Variants in CPNE4 observed in about 807,000 individuals in gnomAD.
CPNE4 encodes copine-4.
Under a neutral mutation model 67.9 loss-of-function variants are expected in CPNE4, and 25 were observed. The ratio of observed to expected loss-of-function variants is 0.37; its 90% confidence interval spans 0.27 to 0.51. The LOEUF is 0.51. Among genes scored for constraint, CPNE4 ranks in the 20% least tolerant of loss-of-function variants. CPNE4 has a pLI of 0.93. For synonymous variants in CPNE4, 242 were observed against 244.9 expected, an observed-to-expected ratio of 0.99 and a Z score of 0.11; for missense variants, 464 against 690.8, an observed-to-expected ratio of 0.67 and a Z score of 3.68.
At chr3:131,894,105 A>T (rs1248256880) in intron 2 of CPNE4, among the ~76,000 whole-genome samples, 4 of 151,934 alleles carry the variant, frequency 2.6e-5, no homozygotes, top group African/African-American at 9.7e-5. Flanking sequence ...AACAAATTTG[A>T]TAACATAGAA....
At chr3:131,564,888 T>C (rs1359497976) in intron 10 of CPNE4, among the ~76,000 whole-genome samples, 2 of 152,048 alleles carry the variant, frequency 1.3e-5, no homozygotes, top group Non-Finnish European at 1.5e-5. Context: ...CAGCTCCATG[T>C]AAGGCATTCA....
At chr3:131,914,893 T>C (rs1034418778) in intron 1 of CPNE4, among the ~76,000 whole-genome samples, 4 of 152,120 alleles carry the variant, frequency 2.6e-5, no homozygotes, top group African/African-American at 9.7e-5. Flanking sequence ...GGAGAATCGC[T>C]TGAACCCAGG....
At chr3:131,811,132 A>G (rs1035601363) in intron 2 of CPNE4, among the ~76,000 whole-genome samples, 1 of 152,126 alleles carries the variant, frequency 6.6e-6, no homozygotes, top group African/African-American at 2.4e-5. Flanking sequence ...ACAATACTGT[A>G]TTATATACTT....
intron 4 of CPNE4, 38 bp downstream of exon 4, chr3:131,699,871 C>T: frequency 2.5e-6 from 4 of 1,579,288 alleles, no homozygotes; most frequent in Non-Finnish European, 3.5e-6. Flanking sequence ...CCAGGCTCTC[C>T]ACTCAGGCAG....
intron 1 of CPNE4, among the ~76,000 whole-genome samples, chr3:131,911,516 A>G (rs1227164284): frequency 6.7e-6 from 1 of 149,892 alleles, no homozygotes; most frequent in Non-Finnish European, 1.5e-5. Context: ...TATTAATAAT[A>G]CAAACAGATT....
At chr3:131,680,074 G>T (rs947758681) in intron 6 of CPNE4, among the ~76,000 whole-genome samples, 1 of 152,082 alleles carries the variant, frequency 6.6e-6, no homozygotes. Flanking sequence ...CTCTTTGAAG[G>T]TCTCTAAAAA....
chr3:131,842,971 C>T (rs1437753983), intron 2 of CPNE4, among the ~76,000 whole-genome samples: 2 of 152,040 alleles, frequency 1.3e-5, no homozygotes, highest in Non-Finnish European at 2.9e-5. Flanking sequence ...AGTCCTGCAC[C>T]GGTGCTCTAA....
intron 2 of CPNE4, among the ~76,000 whole-genome samples, chr3:131,862,248 G>A (rs2086721190): frequency 6.6e-6 from 1 of 152,006 alleles, no homozygotes; most frequent in Admixed American, 6.6e-5. Context: ...CCTGACTCTT[G>A]AGAGTACCAC....
At chr3:131,593,475 T>C (rs1938659749) in intron 7 of CPNE4, among the ~76,000 whole-genome samples, 1 of 152,216 alleles carries the variant, frequency 6.6e-6, no homozygotes, top group Non-Finnish European at 1.5e-5. Flanking sequence ...ATTGTAAATA[T>C]ATAGAAAGGT....
At chr3:131,813,473 ATATG>A (rs1377223047) in intron 2 of CPNE4, among the ~76,000 whole-genome samples, 1 of 148,794 alleles carries the variant, frequency 6.7e-6, no homozygotes, top group African/African-American at 2.4e-5. Context: ...TATTTTATTT[ATATG>A]TATTTATTTA....
intron 2 of CPNE4, among the ~76,000 whole-genome samples, chr3:131,841,765 C>T (rs2085792143): frequency 6.6e-6 from 1 of 152,204 alleles, no homozygotes; most frequent in Non-Finnish European, 1.5e-5. Flanking sequence ...CCTGTTGCAG[C>T]TGGGAGTGCA....
intron 7 of CPNE4, among the ~76,000 whole-genome samples, chr3:131,623,452 A>T (rs1940582915): frequency 6.6e-6 from 1 of 152,182 alleles, no homozygotes; most frequent in Admixed American, 6.5e-5. Flanking sequence ...CTGGGCTAGG[A>T]GCTGTCAGCA....
chr3:131,728,802 C>A (rs1583095167), intron 2 of CPNE4, among the ~76,000 whole-genome samples: 1 of 146,904 alleles, frequency 6.8e-6, no homozygotes, highest in Admixed American at 7.1e-5. Flanking sequence ...CCCAGCTACT[C>A]GGGAGGCTGA....
At chr3:131,864,841 G>T (rs1378774250) in intron 2 of CPNE4, among the ~76,000 whole-genome samples, 1 of 152,112 alleles carries the variant, frequency 6.6e-6, no homozygotes, top group African/African-American at 2.4e-5. Flanking sequence ...TTGGCTGTGG[G>T]TTTGTCATAA....
chr3:131,634,566 A>G (rs1362700490), intron 7 of CPNE4, among the ~76,000 whole-genome samples: 1 of 152,122 alleles, frequency 6.6e-6, no homozygotes, highest in African/African-American at 2.4e-5. Context: ...TTATTTGCTT[A>G]CCTCCATTCT....
chr3:131,880,744 AAATTG>A (rs1284100966), intron 2 of CPNE4, among the ~76,000 whole-genome samples: 1 of 152,180 alleles, frequency 6.6e-6, no homozygotes, highest in African/African-American at 2.4e-5. Context: ...ATTTGGGGTT[AAATTG>A]AAGAGAAAAA....
intron 1 of CPNE4, among the ~76,000 whole-genome samples, chr3:131,995,275 C>G (rs1270983151): frequency 6.6e-6 from 1 of 152,132 alleles, no homozygotes; most frequent in Non-Finnish European, 1.5e-5. Context: ...TGAGCCAGGA[C>G]TTAGATATTT....
At chr3:131,973,485 T>C (rs1435101529) in intron 1 of CPNE4, among the ~76,000 whole-genome samples, 2 of 152,250 alleles carry the variant, frequency 1.3e-5, no homozygotes, top group African/African-American at 4.8e-5. Flanking sequence ...TTACATATAT[T>C]GATTAACTTA....
At chr3:131,744,884 G>A (rs2082450448) in intron 2 of CPNE4, among the ~76,000 whole-genome samples, 1 of 152,154 alleles carries the variant, frequency 6.6e-6, no homozygotes, top group Non-Finnish European at 1.5e-5. Context: ...GATGGGGGGT[G>A]TTATAAACAT....
Sources: gnomAD v4.1 joint callset for allele counts (sites outside exome capture counted in the v4.1 genomes callset) on GRCh38, gnomAD v4.1.1 for gene constraint, MANE v1.5 for transcripts, NCBI Gene and HGNC (gene_info 2026-07-23, HGNC 2026-07-21) for gene names.